The following TRPM1 variants were observed in gnomAD, a reference collection of about 807,000 sequenced individuals.
TRPM1 encodes transient receptor potential cation channel subfamily M member 1.
A neutral mutation model predicts 149.4 loss-of-function variants in TRPM1; 113 were observed. The ratio of observed to expected loss-of-function variants is 0.76; its 90% CI spans 0.65 to 0.88. The LOEUF (loss-of-function observed/expected upper bound fraction) is 0.88, where lower values mean the gene tolerates loss of function less well. Among genes scored for constraint, TRPM1 ranks in the 40% least tolerant of loss-of-function variants. The pLI is 0.00. For missense variants in TRPM1, 1,976 were observed against 2,038.7 expected (o/e 0.97, Z 0.59); for synonymous variants, 741 against 759.5 (o/e 0.98, Z 0.40).
intron 1 of TRPM1, among the ~76,000 whole-genome samples, chr15:31,085,900 C>T (rs1596054551): frequency 6.6e-6 from 1 of 152,152 alleles, no homozygotes; most frequent in Admixed American, 6.5e-5. Context: ...ACCCTGGACC[C>T]GCAGCCACAG....
chr15:31,065,041 G>A lies in TRPM1; in HGVS notation c.790+1035C>T, dbSNP rs570647489. On this transcript the variant is annotated intron_variant, in intron 7 of 27. Transcript: ENST00000256552. Reference sequence around the variant, plus strand: ...GCTGGAGTCCTCGAAGCTCCGTGCTGTGGGAAGTGACAACTGAGCACCCCT... The same window carrying A: ...GCTGGAGTCCTCGAAGCTCCGTGCTATGGGAAGTGACAACTGAGCACCCCT... 1.1e-5 allele frequency: 6 copies of A among 534,652 alleles called. No homozygotes were observed. In the East Asian group the frequency reaches 3.3e-4, roughly 29 times the overall value. The allele number at this position is 534,652 out of a possible 1,614,324, so 33.1% of individuals were successfully genotyped here.
In TRPM1 at chr15:31,126,780, A is replaced by G. The variant is rs188747639; in HGVS notation, c.54+34126T>C. On this transcript the variant is annotated intron_variant, in intron 1 of 26. Coordinates refer to the TRPM1 transcript ENST00000542188. The stretch of plus-strand genomic sequence containing the variant: ...GGAGTTCGAGACCAGCCTGGCCAAC[A>G]TGGTGAAACCCCGTCTCTACTAAAG... Among the ~76,000 whole-genome samples the G allele has an allele frequency of 8.1e-3, 1,230 of 152,274 alleles. 19 individuals carry two copies. The highest frequency in any genetic ancestry group is 0.028 in the African/African-American group (1,169 of 41,558).
intron 1 of TRPM1, among the ~76,000 whole-genome samples, chr15:31,086,899 C>A (rs2035016330): frequency 6.6e-6 from 1 of 151,998 alleles, no homozygotes; most frequent in African/African-American, 2.4e-5. Flanking sequence ...AACAAATGAA[C>A]AAACTGATTT....
rs188485612 is a variant in TRPM1 at position 31,040,454 on chromosome 15, C to T, written c.2088-108G>A. On this transcript the variant is annotated intron_variant, in intron 17 of 27. Coordinates refer to ENST00000256552, the MANE Select transcript of TRPM1 (RefSeq NM_001252024.2). The surrounding 1 kb of genome is among the most constrained non-coding windows in gnomAD (Gnocchi z 4.2). ...TGGAGCCACGGGACACAGTATCCTT[C>T]ACTGGAGGGGCTCTGAGGTTCTCTG... is the stretch of plus-strand genomic sequence containing the variant. The T allele has an allele frequency of 6.9e-4, 626 of 903,912 alleles. 4 individuals are homozygous for T. Among genetic ancestry groups the T allele is most frequent in the Middle Eastern group, 5.1e-3 (21 of 4,132 alleles). 56.0% of individuals were successfully genotyped at this position (903,912 alleles called of 1,614,324 possible).
intron 1 of TRPM1, among the ~76,000 whole-genome samples, chr15:31,129,228 T>C (rs1348338380): frequency 5.3e-5 from 8 of 152,156 alleles, no homozygotes; most frequent in Admixed American, 4.6e-4. Flanking sequence ...GTCTTGAAGG[T>C]TGGCAGGACT....
At chr15:31,148,028 G>A (rs892458411) in intron 1 of TRPM1, among the ~76,000 whole-genome samples, 4 of 152,188 alleles carry the variant, frequency 2.6e-5, no homozygotes, top group African/African-American at 9.7e-5. Flanking sequence ...AACAAAAAAT[G>A]TCAGCAGAGG....
chr15:31,062,612 T>C lies in TRPM1; in HGVS notation c.1056A>G (p.Ala352=), dbSNP rs1289374035. 6.2e-7 allele frequency: 1 copy of C among 1,614,178 alleles called. No homozygotes were observed. Among genetic ancestry groups the C allele is most frequent in the South Asian group, 1.1e-5 (1 of 91,084 alleles). The change falls in exon 9 of 28, where the codon GCA becomes GCG. Residue 352 remains alanine (A), a synonymous_variant. Transcript: ENST00000256552. ...YNKAQSHQLF[A]IIMECMKKKE... Reference sequence around the variant, plus strand: ...TCTTCTTCATGCACTCCATTATAATTGCAAACAGCTGATGTGATTGTGCCT... The same window carrying C: ...TCTTCTTCATGCACTCCATTATAATCGCAAACAGCTGATGTGATTGTGCCT...
At chr15:31,089,142 A>C (rs1221400521) in intron 1 of TRPM1, among the ~76,000 whole-genome samples, 1 of 152,224 alleles carries the variant, frequency 6.6e-6, no homozygotes, top group Non-Finnish European at 1.5e-5. Flanking sequence ...AACTGAAGAC[A>C]GGCTGCTGCT....
intron 1 of TRPM1, among the ~76,000 whole-genome samples, chr15:31,126,134 A>G (rs2035949120): frequency 1.3e-5 from 2 of 152,228 alleles, no homozygotes. Flanking sequence ...TTCGTCTCAA[A>G]AAACAAACAA....
At position 31,042,014 on chromosome 15, in the gene TRPM1, G is replaced by T. The variant is rs369416136; in HGVS notation, c.2024C>A (p.Ala675Asp). Residue 675 changes from alanine to aspartate, a missense_variant, in exon 17 of 28, where the codon GCC becomes GAC. Physicochemically the swap from Ala to Asp is moderately radical, Grantham distance 126. Around this residue, in one of 3 missense-constraint regions of TRPM1, gnomAD observed 1,332 missense variants for 1,347.1 expected, o/e 0.99. Coordinates refer to ENST00000256552, the MANE Select transcript of TRPM1 (RefSeq NM_001252024.2). ...CAGATCACTCTCGGAGGACTCGTGG[G>T]CCATGGCCTTGTAGAGCTTGCAGGC... ...LVACKLYKAM[A>D]HESSESDLVD... is the part of the protein sequence containing the mutation. 6.2e-7 allele frequency: 1 copy of T among 1,614,146 alleles called. No homozygotes were observed. Among genetic ancestry groups the T allele is most frequent in the Non-Finnish European group, 8.5e-7 (1 of 1,180,006 alleles).
chr15:31,127,140 G>A (rs138793550), intron 1 of TRPM1, among the ~76,000 whole-genome samples: 14 of 152,332 alleles, frequency 9.2e-5, no homozygotes, highest in African/African-American at 3.4e-4. Flanking sequence ...CTGAAGTCTT[G>A]AGATTTCTCA....
chr15:31,026,281 G>T lies in TRPM1; in HGVS notation c.3497-10C>A. On this transcript the variant is annotated splice_polypyrimidine_tract_variant and intron_variant, in intron 26 of 27. Coordinates refer to ENST00000256552, the MANE Select transcript of TRPM1 (RefSeq NM_001252024.2). ...TCGCTAAGGAAGAGCTCTGTGTGAAGGGAGAAGTGTCGGCCACGTGAAAAA... is the reference window on the plus strand; with the variant it reads ...TCGCTAAGGAAGAGCTCTGTGTGAATGGAGAAGTGTCGGCCACGTGAAAAA... 1 of 1,609,444 alleles carries T rather than the reference G, an allele frequency of 6.2e-7. No individual in the cohort carries two copies. Among genetic ancestry groups the T allele is most frequent in the Non-Finnish European group, 8.5e-7 (1 of 1,179,996 alleles).
At chr15:31,055,162 GT>G (rs1274398689) in intron 11 of TRPM1, among the ~76,000 whole-genome samples, 1 of 152,124 alleles carries the variant, frequency 6.6e-6, no homozygotes, top group Non-Finnish European at 1.5e-5. Flanking sequence ...CCTTTCTTGA[GT>G]GCTTCAACTA....
At chr15:31,144,002 C>T (rs1049742162) in intron 1 of TRPM1, among the ~76,000 whole-genome samples, 5 of 152,050 alleles carry the variant, frequency 3.3e-5, no homozygotes, top group East Asian at 1.9e-4. Context: ...TTTGAGAATA[C>T]GTATGGAATG....
intron 1 of TRPM1, among the ~76,000 whole-genome samples, chr15:31,091,678 T>A (rs868388945): frequency 2.6e-5 from 4 of 152,168 alleles, no homozygotes; most frequent in Admixed American, 6.5e-5. Flanking sequence ...GAGGTTCACA[T>A]GTGCGCTGTG....
intron 25 of TRPM1, among the ~76,000 whole-genome samples, chr15:31,027,389 C>T (rs2032824092): frequency 6.6e-6 from 1 of 152,204 alleles, no homozygotes; most frequent in South Asian, 2.1e-4. Context: ...CTCATATACT[C>T]AGGAAATTTA....
rs1481001026 is a variant in TRPM1 at position 31,042,030 on chromosome 15, G to T, written c.2008C>A (p.Leu670Ile). Residue 670 changes from leucine (L) to isoleucine (I), a missense_variant, in exon 17 of 28, where the codon CTC (leucine) becomes ATC (isoleucine). Leu to Ile is a conservative substitution (Grantham distance 5, BLOSUM62 2). Coordinates refer to ENST00000256552, the MANE Select transcript of TRPM1 (RefSeq NM_001252024.2). ...GACTCGTGGGCCATGGCCTTGTAGA[G>T]CTTGCAGGCCACCAGGGCCTTGGCC... Reference protein sequence around the residue: ...SMAKALVACKLYKAMAHESSE... With the variant: ...SMAKALVACKIYKAMAHESSE... 6.2e-7 allele frequency: 1 copy of T among 1,614,206 alleles called. No individual in the cohort carries two copies. Among genetic ancestry groups the T allele is most frequent in the Non-Finnish European group, 8.5e-7 (1 of 1,180,032 alleles).
At chr15:31,129,344 G>A (rs1268234695) in intron 1 of TRPM1, among the ~76,000 whole-genome samples, 1 of 152,308 alleles carries the variant, frequency 6.6e-6, no homozygotes, top group South Asian at 2.1e-4. Context: ...GACCCGGGCC[G>A]CCTGGCCCTT....
chr15:31,064,926 C>A, intron 7 of TRPM1: 1 of 438,660 alleles, frequency 2.3e-6, no homozygotes, highest in Non-Finnish European at 4.7e-6. Flanking sequence ...CCAACCCAAG[C>A]AAGGATTGAT....
Sources: gnomAD v4.1 joint callset for allele counts (sites outside exome capture counted in the v4.1 genomes callset) on GRCh38, gnomAD v4.1.1 for gene constraint, gnomAD v4.1.1 regional missense constraint, Gnocchi (gnomAD v3.1) non-coding constraint, MANE v1.5 for transcripts, NCBI Gene and HGNC (gene_info 2026-07-23, HGNC 2026-07-21) for gene names.